The following WWOX variants were observed in gnomAD, a reference collection of about 807,000 sequenced individuals.
WWOX encodes WW domain containing oxidoreductase, also known as WW domain-containing oxidoreductase.
A neutral mutation model predicts 46.2 loss-of-function variants in WWOX; 69 were observed. The ratio of observed to expected loss-of-function variants is 1.49; its 90% CI spans 1.23 to 1.82. WWOX has a LOEUF of 1.82. Among genes scored for constraint, WWOX ranks in the 40% most tolerant of loss-of-function variants. The pLI is 0.00. For synonymous variants in WWOX, 359 were observed against 202.6 expected (o/e 1.77, Z -6.56); for missense variants, 919 against 542.6 (o/e 1.69, Z -6.89).
chr16:78,467,707 C>T (rs1025230563), intron 8 of WWOX, among the ~76,000 whole-genome samples: 2 of 152,122 alleles, frequency 1.3e-5, no homozygotes. Context: ...TCCCTCTGTT[C>T]AGAAGTATAA....
intron 8 of WWOX, chr16:78,526,093 G>C (rs2043459454): frequency 6.6e-6 from 1 of 152,142 alleles, no homozygotes; most frequent in Admixed American, 6.6e-5. Flanking sequence ...CACCAGCCCT[G>C]GTCATCAGTG....
chr16:78,922,272 G>C (rs1405159007), intron 8 of WWOX, among the ~76,000 whole-genome samples: 1 of 152,112 alleles, frequency 6.6e-6, no homozygotes, highest in Non-Finnish European at 1.5e-5. Flanking sequence ...CATGGGTGTA[G>C]TTAGGCCCCA....
At chr16:79,135,528 A>G (rs1002646067) in intron 8 of WWOX, among the ~76,000 whole-genome samples, 4 of 152,230 alleles carry the variant, frequency 2.6e-5, no homozygotes, top group African/African-American at 9.6e-5. Flanking sequence ...GCATATTATA[A>G]GTTGCATTTC....
At chr16:79,080,833 G>A (rs1164390486) in intron 8 of WWOX, among the ~76,000 whole-genome samples, 6 of 152,132 alleles carry the variant, frequency 3.9e-5, no homozygotes, top group South Asian at 2.1e-4. Flanking sequence ...AAAAGGAAAA[G>A]CATGGCTTTT....
chr16:78,836,561 G>A (rs938011852), intron 8 of WWOX, among the ~76,000 whole-genome samples: 1 of 152,154 alleles, frequency 6.6e-6, no homozygotes, highest in Non-Finnish European at 1.5e-5. Flanking sequence ...GGAGGAAAGA[G>A]AATGAGCATT....
At chr16:78,751,852 G>T (rs149408189) in intron 8 of WWOX, among the ~76,000 whole-genome samples, 6 of 151,350 alleles carry the variant, frequency 4.0e-5, no homozygotes, top group African/African-American at 1.5e-4. Flanking sequence ...GGGAGGGAAG[G>T]TAAGAAAGAA....
intron 8 of WWOX, among the ~76,000 whole-genome samples, chr16:79,125,371 A>G (rs16949622): frequency 0.051 from 7,827 of 152,266 alleles, 657 homozygotes; most frequent in African/African-American, 0.18. Context: ...GGGAAAGTAA[A>G]TGGTTTATGA....
In WWOX at chr16:79,068,561, T is replaced by C. The variant is rs1218663307; in HGVS notation, c.1057-143047T>C. The stretch of plus-strand genomic sequence containing the variant: ...GCTCATGCCTGTAATCTCAACGCTT[T>C]GGGAGGCTGAAGCAGGAGGATCACT... On this transcript the variant is annotated intron_variant, in intron 8 of 8. Coordinates refer to ENST00000566780, the MANE Select transcript of WWOX (RefSeq NM_016373.4). 3.3e-5 allele frequency among the ~76,000 whole-genome samples: 5 copies of C among 151,966 alleles called. No homozygotes were observed. In the East Asian group the frequency reaches 9.7e-4, roughly 30 times the overall value.
chr16:78,145,415 A>T (rs543640696), intron 4 of WWOX, among the ~76,000 whole-genome samples: 1 of 152,268 alleles, frequency 6.6e-6, no homozygotes, highest in Non-Finnish European at 1.5e-5. Context: ...CCAAGAGTCC[A>T]AAAGCTGAAG....
chr16:79,128,972 C>T (rs1432060264), intron 8 of WWOX, among the ~76,000 whole-genome samples: 1 of 152,280 alleles, frequency 6.6e-6, no homozygotes, highest in Admixed American at 6.5e-5. Context: ...GGGGGCCAAG[C>T]GTCCCTTCTC....
At chr16:79,049,020 C>G (rs1052876061) in intron 8 of WWOX, among the ~76,000 whole-genome samples, 1 of 152,200 alleles carries the variant, frequency 6.6e-6, no homozygotes, top group Non-Finnish European at 1.5e-5. Context: ...GGGACAGGCA[C>G]TGTGCTAGAT....
chr16:78,892,649 A>G (rs564724878), intron 8 of WWOX, among the ~76,000 whole-genome samples: 2 of 152,340 alleles, frequency 1.3e-5, no homozygotes, highest in African/African-American at 4.8e-5. Context: ...CACCTGCCAA[A>G]AGCAAAACAA....
chr16:78,653,059 C>T (rs1204058767), intron 8 of WWOX, among the ~76,000 whole-genome samples: 1 of 151,966 alleles, frequency 6.6e-6, no homozygotes, highest in Non-Finnish European at 1.5e-5. Flanking sequence ...ATGAGATAAT[C>T]ACTCTTAATA....
chr16:79,128,676 T>C (rs1342375470), intron 8 of WWOX, among the ~76,000 whole-genome samples: 1 of 152,222 alleles, frequency 6.6e-6, no homozygotes, highest in East Asian at 1.9e-4. Flanking sequence ...TCTAATGTTT[T>C]AACAGCATCC....
intron 8 of WWOX, among the ~76,000 whole-genome samples, chr16:79,158,976 A>T (rs1205849953): frequency 6.6e-6 from 1 of 152,194 alleles, no homozygotes; most frequent in East Asian, 1.9e-4. Flanking sequence ...CAGTGTAAAA[A>T]CCACATTGCT....
chr16:78,502,551 G>T (rs1037188512), intron 8 of WWOX, among the ~76,000 whole-genome samples: 2 of 152,188 alleles, frequency 1.3e-5, no homozygotes, highest in African/African-American at 2.4e-5. Flanking sequence ...ATACGCCATT[G>T]TATGGATATA....
chr16:78,360,891 G>T (rs772602799), intron 5 of WWOX, among the ~76,000 whole-genome samples: 1 of 151,840 alleles, frequency 6.6e-6, no homozygotes, highest in Non-Finnish European at 1.5e-5. Context: ...TACGATCATG[G>T]GTTACTGCAG....
At position 78,962,001 on chromosome 16, in the gene WWOX, T is replaced by TCCTTGC. The variant is rs2046280269; in HGVS notation, c.1057-249606_1057-249605insCTTGCC. ...CCTTAAACAGATCCCTTGTCTCTTG[T>TCCTTGC]CAGGACCTCCTTCCAGGCTGCTCCT... On this transcript the variant is annotated intron_variant, in intron 8 of 8. Coordinates refer to ENST00000566780, the MANE Select transcript of WWOX (RefSeq NM_016373.4). Among the ~76,000 whole-genome samples, 4 of 152,046 alleles carry TCCTTGC rather than the reference T, an allele frequency of 2.6e-5. No homozygotes were observed. The South Asian group carries it at 8.3e-4, about 32-fold the overall frequency.
At chr16:78,321,178 A>G (rs1014223256) in intron 5 of WWOX, among the ~76,000 whole-genome samples, 3 of 151,766 alleles carry the variant, frequency 2.0e-5, no homozygotes, top group African/African-American at 4.8e-5. Context: ...TTGAAAATGT[A>G]TCTTTCTGGA....
Sources: gnomAD v4.1 joint callset for allele counts (sites outside exome capture counted in the v4.1 genomes callset) on GRCh38, gnomAD v4.1.1 for gene constraint, MANE v1.5 for transcripts, NCBI Gene and HGNC (gene_info 2026-07-23, HGNC 2026-07-21) for gene names.